The following EYA3 variants were observed in gnomAD, a reference collection of about 807,000 sequenced individuals.
EYA3 encodes the protein EYA transcriptional coactivator and phosphatase 3.
EYA3 carries 39 observed loss-of-function variants against 80.0 expected under a neutral mutation model. That is an observed-to-expected ratio of 0.49 (90% CI 0.38 to 0.64). The LOEUF is 0.64. EYA3 is among the 30% of genes least tolerant of loss of function. The pLI, the probability that EYA3 is intolerant of heterozygous loss-of-function variation, is 0.00. For synonymous variants in EYA3, 206 were observed against 232.8 expected, an observed-to-expected ratio of 0.88 and a Z score of 1.05; for missense variants, 523 against 676.1, an observed-to-expected ratio of 0.77 and a Z score of 2.51.
chr1:28,049,534 G>A (rs1254029484), intron 2 of EYA3, among the ~76,000 whole-genome samples: 1 of 152,082 alleles, frequency 6.6e-6, no homozygotes, highest in Non-Finnish European at 1.5e-5. Context: ...AAGCCATAAA[G>A]GAGAAAATAG....
At chr1:28,015,492 G>A (rs1641990817) in intron 8 of EYA3, among the ~76,000 whole-genome samples, 1 of 152,196 alleles carries the variant, frequency 6.6e-6, no homozygotes, top group African/African-American at 2.4e-5. Flanking sequence ...TTGCGCCACT[G>A]CACTCTGGCC....
At chr1:27,975,880 C>A (rs1638910086) in intron 17 of EYA3, among the ~76,000 whole-genome samples, 1 of 152,106 alleles carries the variant, frequency 6.6e-6, no homozygotes, top group Non-Finnish European at 1.5e-5. Flanking sequence ...TATCTCAGCT[C>A]ACTGCAACCT....
intron 1 of EYA3, among the ~76,000 whole-genome samples, chr1:28,080,396 G>A (rs1645378619): frequency 6.6e-6 from 1 of 152,176 alleles, no homozygotes; most frequent in South Asian, 2.1e-4. Context: ...GGTCGAGGCT[G>A]CAGTGAGCCG....
intron 2 of EYA3, among the ~76,000 whole-genome samples, chr1:28,049,971 C>T (rs1324358777): frequency 3.3e-5 from 5 of 151,818 alleles, no homozygotes; most frequent in Admixed American, 6.6e-5. Flanking sequence ...AATGTAATTA[C>T]GAGCTGGTTG....
rs748565701 is a variant in EYA3 at position 28,011,064 on chromosome 1, A to AGGGTCCCCTG, written c.791_792insCAGGGGACCC (p.Leu265ArgfsTer11). On this transcript the variant is annotated frameshift_variant, in exon 10 of 18. Coordinates refer to ENST00000373871, the MANE Select transcript of EYA3 (RefSeq NM_001990.4). LOFTEE classifies it high-confidence loss of function. The stretch of plus-strand genomic sequence containing the variant: ...CTTTACTTGGTGTAGTCTGGGACAA[A>AGGGTCCCCTG]GATGGACTTGTAGAAGGGTCTCCTG... 5.0e-6 allele frequency: 8 copies of AGGGTCCCCTG among 1,613,270 alleles called. 1 individual carries two copies. The Admixed American group carries it at 1.3e-4, about 27-fold the overall frequency.
In EYA3 at chr1:28,081,719, G is replaced by A. The variant is rs148107554; in HGVS notation, c.-69+6805C>T. On this transcript the variant is annotated intron_variant, in intron 1 of 17. Transcript: ENST00000373871. ...ACAACAGGTGAAGCTGACCTAAATC[G>A]TTTTCAGTCACTATGGAAACTAAAG... is the stretch of plus-strand genomic sequence containing the variant. 8.9e-4 allele frequency among the ~76,000 whole-genome samples: 136 copies of A among 152,154 alleles called. 1 individual carries two copies. The highest frequency in any genetic ancestry group is 3.2e-3 in the African/African-American group (134 of 41,530).
intron 1 of EYA3, among the ~76,000 whole-genome samples, chr1:28,066,556 TTATAAA>T (rs1292747080): frequency 1.3e-5 from 2 of 151,938 alleles, no homozygotes; most frequent in African/African-American, 4.8e-5. Flanking sequence ...CTGTAAGTAA[TTATAAA>T]TATATTAAAA....
intron 10 of EYA3, among the ~76,000 whole-genome samples, chr1:28,006,388 C>A (rs1641275726): frequency 6.6e-6 from 1 of 152,054 alleles, no homozygotes; most frequent in Admixed American, 6.6e-5. Context: ...GGAATGTTAT[C>A]AATATGATAA....
Position 28,001,563 on chromosome 1 carries a change from G to A in EYA3, c.994-1514C>T, listed in dbSNP as rs547823624. 1.6e-3 allele frequency among the ~76,000 whole-genome samples: 241 copies of A among 149,916 alleles called. 1 individual carries two copies. Among genetic ancestry groups the A allele is most frequent in the Non-Finnish European group, 2.7e-3 (180 of 67,490 alleles). Reference sequence around the variant, plus strand: ...GGGGATCAAGACCATCCTGGCTAACGTGGTGAATCCCCATCTCTACTAAAA... The same window carrying A: ...GGGGATCAAGACCATCCTGGCTAACATGGTGAATCCCCATCTCTACTAAAA... On this transcript the variant is annotated intron_variant, in intron 11 of 17. Transcript: ENST00000373871.
At chr1:27,976,254 G>A (rs1290897847) in intron 17 of EYA3, among the ~76,000 whole-genome samples, 2 of 152,156 alleles carry the variant, frequency 1.3e-5, no homozygotes, top group South Asian at 2.1e-4. Flanking sequence ...GAAGTCAGGA[G>A]TTTGAGACCA....
intron 7 of EYA3, among the ~76,000 whole-genome samples, chr1:28,023,935 T>C (rs1642612963): frequency 6.6e-6 from 1 of 152,092 alleles, no homozygotes; most frequent in African/African-American, 2.4e-5. Flanking sequence ...AATCTAAAAT[T>C]ATTAATAAAA....
chr1:28,068,955 C>T (rs1644927429), intron 1 of EYA3, among the ~76,000 whole-genome samples: 1 of 148,846 alleles, frequency 6.7e-6, no homozygotes, highest in African/African-American at 2.5e-5. Context: ...TACAGGTGTC[C>T]ACCACCATGC....
chr1:28,059,844 C>T (rs1205988458), intron 1 of EYA3, among the ~76,000 whole-genome samples: 8 of 151,806 alleles, frequency 5.3e-5, no homozygotes, highest in Admixed American at 5.3e-4. Flanking sequence ...CCTCAGGCTC[C>T]CAAGTAGCTG....
At chr1:28,015,330 A>C (rs1475333133) in intron 8 of EYA3, among the ~76,000 whole-genome samples, 2 of 152,216 alleles carry the variant, frequency 1.3e-5, no homozygotes, top group Non-Finnish European at 2.9e-5. Flanking sequence ...TGATTGGTAA[A>C]GCAATAAGAC....
chr1:28,010,824 G>T, intron 10 of EYA3, 123 bp downstream of exon 10: 1 of 1,156,346 alleles, frequency 8.6e-7, no homozygotes, highest in Non-Finnish European at 1.2e-6. Context: ...AGTTTATTTT[G>T]CTCAGGAATT....
At chr1:28,085,403 C>T (rs1376573399) in intron 1 of EYA3, among the ~76,000 whole-genome samples, 2 of 152,116 alleles carry the variant, frequency 1.3e-5, no homozygotes, top group African/African-American at 4.8e-5. Context: ...GAGCCGAGAT[C>T]GTGCCACTGC....
chr1:28,011,132 T>A (rs906682907), intron 9 of EYA3, 46 bp from the exon 10 acceptor site: 1 of 1,591,116 alleles, frequency 6.3e-7, no homozygotes, highest in East Asian at 2.2e-5. Context: ...TCACAGGCTA[T>A]AAGAATCAGG....
intron 11 of EYA3, 38 bp from the exon 12 acceptor site, chr1:28,000,087 G>A (rs1184011041): frequency 2.8e-6 from 4 of 1,451,622 alleles, no homozygotes; most frequent in Admixed American, 1.9e-5. Flanking sequence ...TGACTTGGTA[G>A]TCACAGTCCT....
chr1:28,012,293 T>C (rs1641747578), intron 9 of EYA3, among the ~76,000 whole-genome samples: 1 of 152,208 alleles, frequency 6.6e-6, no homozygotes, highest in South Asian at 2.1e-4. Context: ...ACAAAGATAT[T>C]TAGAAAAATG....
Sources: allele counts gnomAD v4.1 joint callset (sites outside exome capture counted in the v4.1 genomes callset), GRCh38; gene constraint gnomAD v4.1.1; transcripts MANE v1.5; gene names NCBI Gene and HGNC (gene_info 2026-07-23, HGNC 2026-07-21).